ROBO2: variants seen among roughly 807,000 people sequenced by gnomAD.
ROBO2 encodes roundabout homolog 2.
In ROBO2, 53 loss-of-function variants were observed where a neutral mutation model predicts 160.8. The ratio of observed to expected loss-of-function variants is 0.33; its 90% CI spans 0.26 to 0.41. The LOEUF is 0.41. Among genes scored for constraint, ROBO2 ranks in the 10% least tolerant of loss-of-function variants. ROBO2 has a pLI of 1.00. For synonymous variants in ROBO2, 664 were observed against 611.7 expected (o/e 1.09, Z -1.26); for missense variants, 1,577 against 1,722.4 (o/e 0.92, Z 1.49).
intron 2 of ROBO2, among the ~76,000 whole-genome samples, chr3:77,264,344 C>G (rs1026681585): frequency 2.0e-5 from 3 of 152,104 alleles, no homozygotes; most frequent in African/African-American, 7.2e-5. Context: ...TGACTTTGTT[C>G]ATTGTTCGCC....
intron 2 of ROBO2, among the ~76,000 whole-genome samples, chr3:76,205,900 A>C (rs890812155): frequency 5.3e-5 from 8 of 152,188 alleles, no homozygotes; most frequent in African/African-American, 1.9e-4. Context: ...AAGCACAGCT[A>C]ACAACCATCT....
At chr3:76,104,687 T>C (rs2069845306) in intron 2 of ROBO2, among the ~76,000 whole-genome samples, 1 of 152,210 alleles carries the variant, frequency 6.6e-6, no homozygotes, top group Admixed American at 6.5e-5. Flanking sequence ...ACATTTTCAG[T>C]GAAATCTTTA....
chr3:77,360,221 C>G (rs1405405126), intron 2 of ROBO2, among the ~76,000 whole-genome samples: 1 of 151,510 alleles, frequency 6.6e-6, no homozygotes, highest in Admixed American at 6.6e-5. Context: ...TTTGCAAATG[C>G]TCTAAGTTGC....
intron 1 of ROBO2, among the ~76,000 whole-genome samples, chr3:75,926,011 G>A (rs370984280): frequency 6.6e-6 from 1 of 152,114 alleles, no homozygotes; most frequent in Middle Eastern, 3.4e-3. Flanking sequence ...GTGCACCTTC[G>A]GATTTGATTT....
Position 77,541,039 on chromosome 3 carries a change from CA to C in ROBO2, c.935-5291del, listed in dbSNP as rs541312472. On this transcript the variant is annotated intron_variant, in intron 6 of 25. Transcript: ENST00000461745. Reference sequence around the variant, plus strand: ...TTTAACAAGTAAATATATGAAATAGCAAAAAAAATTCTACTTGAGTTTGTCA... The same window carrying C: ...TTTAACAAGTAAATATATGAAATAGCAAAAAAATTCTACTTGAGTTTGTCA... Among the ~76,000 whole-genome samples, 354 of 151,468 alleles carry C rather than the reference CA, an allele frequency of 2.3e-3. 3 individuals carry two copies. Among genetic ancestry groups the C allele is most frequent in the African/African-American group, 7.5e-3 (311 of 41,320 alleles).
At chr3:76,450,393 A>C (rs1363937638) in intron 2 of ROBO2, among the ~76,000 whole-genome samples, 1 of 152,204 alleles carries the variant, frequency 6.6e-6, no homozygotes, top group African/African-American at 2.4e-5. Context: ...CTTTTAATCA[A>C]AACTTATTTT....
At chr3:76,135,204 A>G (rs1284123654) in intron 2 of ROBO2, among the ~76,000 whole-genome samples, 1 of 152,028 alleles carries the variant, frequency 6.6e-6, no homozygotes, top group Non-Finnish European at 1.5e-5. Context: ...GTCACACAAG[A>G]GGGGCAGGGG....
intron 2 of ROBO2, among the ~76,000 whole-genome samples, chr3:77,175,536 T>C (rs192009930): frequency 4.9e-4 from 74 of 152,066 alleles, no homozygotes; most frequent in Non-Finnish European, 7.8e-4. Context: ...TTAGCAACAG[T>C]GGACAGTTGG....
Position 76,937,438 on chromosome 3 carries a change from A to G in ROBO2, c.110-160576A>G, listed in dbSNP as rs530693022. Among the ~76,000 whole-genome samples, 5 of 152,304 alleles carry G rather than the reference A, an allele frequency of 3.3e-5. No individual in the cohort carries two copies. The East Asian group carries it at 9.6e-4, about 29-fold the overall frequency. On this transcript the variant is annotated intron_variant, in intron 2 of 26. Coordinates refer to the ROBO2 transcript ENST00000487694. ...TTACCCATGTATTTTTATCACAGCT[A>G]TAATCAGAGTCTATTATGATTTTGT... is the stretch of plus-strand genomic sequence containing the variant.
chr3:77,578,695 A>G (rs981466064), intron 15 of ROBO2, among the ~76,000 whole-genome samples: 2 of 152,126 alleles, frequency 1.3e-5, no homozygotes, highest in African/African-American at 4.8e-5. Flanking sequence ...CTTTTACAAT[A>G]CAATAATTAT....
intron 2 of ROBO2, among the ~76,000 whole-genome samples, chr3:77,190,805 A>G (rs1054305298): frequency 6.6e-6 from 1 of 152,058 alleles, no homozygotes; most frequent in Non-Finnish European, 1.5e-5. Context: ...TACTGATGAC[A>G]CTTTAAGGAA....
At chr3:76,806,259 A>T (rs1007869402) in intron 2 of ROBO2, among the ~76,000 whole-genome samples, 3 of 150,832 alleles carry the variant, frequency 2.0e-5, no homozygotes, top group Non-Finnish European at 3.0e-5. Context: ...ATACATATAC[A>T]TACATGTACA....
chr3:76,482,046 TGAAAA>T (rs2079237792), intron 2 of ROBO2, among the ~76,000 whole-genome samples: 3 of 152,122 alleles, frequency 2.0e-5, no homozygotes, highest in African/African-American at 4.8e-5. Flanking sequence ...GCCTCATACA[TGAAAA>T]GAAAACACCT....
chr3:76,729,275 GGTTTTCTAATT>G, intron 2 of ROBO2, among the ~76,000 whole-genome samples: 1 of 151,352 alleles, frequency 6.6e-6, no homozygotes, highest in East Asian at 1.9e-4. Context: ...CAATTACCAA[GGTTTTCTAATT>G]GTTTTCAAAT....
intron 24 of ROBO2, among the ~76,000 whole-genome samples, chr3:77,637,627 C>T (rs574772585): frequency 6.6e-6 from 1 of 152,194 alleles, no homozygotes; most frequent in Non-Finnish European, 1.5e-5. Flanking sequence ...AAAAGGACTA[C>T]TTTCACTGAA....
intron 21 of ROBO2, among the ~76,000 whole-genome samples, chr3:77,612,560 AT>A (rs2094669200): frequency 1.3e-5 from 2 of 152,044 alleles, no homozygotes; most frequent in African/African-American, 4.8e-5. Flanking sequence ...ATCTGTGGAC[AT>A]TTTTCAGTTT....
chr3:76,435,485 A>G lies in ROBO2; in HGVS notation c.109+497883A>G. 4 of 693,208 alleles carry G rather than the reference A, an allele frequency of 5.8e-6. No individual in the cohort carries two copies. In the South Asian group the frequency reaches 6.4e-5, roughly 11 times the overall value. The allele number at this position is 693,208 out of a possible 1,614,324, so 42.9% of individuals were successfully genotyped here. On this transcript the variant is annotated intron_variant, in intron 2 of 26. Coordinates refer to the ROBO2 transcript ENST00000487694. ...TCACACCGTGGGATAAATCTGTATC[A>G]AGATGGTTCTTTTCGCGATTTCCTC...
intron 2 of ROBO2, among the ~76,000 whole-genome samples, chr3:77,120,112 A>T (rs111704716): frequency 0.017 from 2,521 of 152,288 alleles, 54 homozygotes; most frequent in African/African-American, 0.057. Flanking sequence ...TCTATACTGA[A>T]ATTCCATTTT....
rs75785493 is a variant in ROBO2, at chr3:77,086,526, A to G, written c.62-11488A>G. Among the ~76,000 whole-genome samples the G allele has an allele frequency of 4.6e-3, 693 of 152,298 alleles. 48 individuals are homozygous for G. In the East Asian group the frequency reaches 0.12, roughly 27 times the overall value. Reference sequence around the variant, plus strand: ...TAAAAACGAACATGCACATATCTGCACAAAATTTTGCATCCGGTGCCTGCA... The same window carrying G: ...TAAAAACGAACATGCACATATCTGCGCAAAATTTTGCATCCGGTGCCTGCA... On this transcript the variant is annotated intron_variant, in intron 1 of 25. Transcript: ENST00000461745.
Sources: allele counts gnomAD v4.1 joint callset (sites outside exome capture counted in the v4.1 genomes callset), GRCh38; gene constraint gnomAD v4.1.1; transcripts MANE v1.5; gene names NCBI Gene and HGNC (gene_info 2026-07-23, HGNC 2026-07-21).